PTBP3: variants seen among roughly 807,000 people sequenced by gnomAD.
The protein encoded by PTBP3 is polypyrimidine tract-binding protein 3.
A neutral mutation model predicts 58.7 loss-of-function variants in PTBP3; 20 were observed. That is an observed-to-expected ratio of 0.34 (90% confidence interval 0.24 to 0.50). PTBP3 has a LOEUF of 0.50. Among genes scored for constraint, PTBP3 ranks in the 20% least tolerant of loss-of-function variants. PTBP3 has a pLI of 0.98. For missense variants in PTBP3, 509 were observed against 637.2 expected, an observed-to-expected ratio of 0.80 and a Z score of 2.17; for synonymous variants, 185 against 219.8, an observed-to-expected ratio of 0.84 and a Z score of 1.40.
the PTBP3 span, among the ~76,000 whole-genome samples, chr9:112,357,083 T>C: frequency 6.6e-6 from 1 of 151,894 alleles, no homozygotes; most frequent in Non-Finnish European, 1.5e-5. Context: ...GGTTTCACCA[T>C]GTTGGTCAGG....
At chr9:112,309,563 A>T (rs901902389) in intron 1 of PTBP3, among the ~76,000 whole-genome samples, 4 of 152,118 alleles carry the variant, frequency 2.6e-5, no homozygotes, top group Admixed American at 2.6e-4. Context: ...AGGCGGGCGG[A>T]CTGCCTGAGG....
the PTBP3 span, among the ~76,000 whole-genome samples, chr9:112,356,812 A>G: frequency 6.6e-6 from 1 of 150,816 alleles, no homozygotes; most frequent in Non-Finnish European, 1.5e-5. Flanking sequence ...ACACACACAC[A>G]CACACACACA....
At position 112,222,084 on chromosome 9, in the gene PTBP3, C is replaced by T; in HGVS notation, c.*1767G>A. ...AGCTGGGACTACAGGCGCACAGGCG[C>T]ACACCACCATGCCCAGCAAGATATT... is the stretch of plus-strand genomic sequence containing the variant. On this transcript the variant is annotated 3_prime_UTR_variant, in exon 14 of 14. Transcript: ENST00000374257. 1.2e-5 allele frequency: 12 copies of T among 983,728 alleles called. No individual in the cohort carries two copies. The highest frequency in any genetic ancestry group is 1.4e-5 in the Non-Finnish European group (12 of 828,044). 60.9% of individuals were successfully genotyped at this position (983,728 alleles called of 1,614,324 possible). A position where few individuals can be genotyped will look rare whatever the true frequency, so the allele number is the denominator to read the frequency against.
intron 7 of PTBP3, among the ~76,000 whole-genome samples, chr9:112,250,225 T>C (rs1836052098): frequency 6.6e-6 from 1 of 152,034 alleles, no homozygotes; most frequent in Non-Finnish European, 1.5e-5. Flanking sequence ...GAAAAATCAA[T>C]CACAAAAGGT....
intron 7 of PTBP3, among the ~76,000 whole-genome samples, chr9:112,247,470 G>A (rs559838443): frequency 6.6e-6 from 1 of 151,806 alleles, no homozygotes; most frequent in African/African-American, 2.4e-5. Context: ...TTGGGAGGCT[G>A]AGGTGGGAGG....
At chr9:112,326,845 A>G (rs1830176548) in intron 1 of PTBP3, among the ~76,000 whole-genome samples, 2 of 152,252 alleles carry the variant, frequency 1.3e-5, no homozygotes, top group Non-Finnish European at 2.9e-5. Flanking sequence ...TATCTGGTAT[A>G]ATAAAGTTCT....
intron 1 of PTBP3, among the ~76,000 whole-genome samples, chr9:112,299,597 GGTGGACTAT>G (rs1437738041): frequency 2.0e-5 from 3 of 152,174 alleles, no homozygotes; most frequent in African/African-American, 4.8e-5. Flanking sequence ...CTCACAAAGT[GGTGGACTAT>G]GTCACTGTTC....
chr9:112,220,844 T>C lies in PTBP3; in HGVS notation c.*3007A>G. 1.0e-6 allele frequency: 1 copy of C among 967,980 alleles called. No homozygotes were observed. 60.0% of individuals were successfully genotyped at this position (967,980 alleles called of 1,614,324 possible). A position where few individuals can be genotyped will look rare whatever the true frequency, so the allele number is the denominator to read the frequency against. ...ACTTTGTGTAGAAGTCAAGACACCT[T>C]GAAAAGTGATGACAATACTCCTTAA... On this transcript the variant is annotated 3_prime_UTR_variant, in exon 14 of 14. Coordinates refer to ENST00000374257, the MANE Select transcript of PTBP3 (RefSeq NM_001163788.4).
At position 112,265,177 on chromosome 9, in the gene PTBP3, G is replaced by A. The variant is rs540055865; in HGVS notation, c.352-2578C>T. On this transcript the variant is annotated intron_variant, in intron 4 of 13. Coordinates refer to ENST00000374257, the MANE Select transcript of PTBP3 (RefSeq NM_001163788.4). ...ATTAATCAGTTAATTTCTGAAAAAA[G>A]AGTAAGAAATAAGATCTTGCTCTGC... 1.4e-4 allele frequency among the ~76,000 whole-genome samples: 20 copies of A among 145,186 alleles called. No individual in the cohort carries two copies. In the East Asian group the frequency reaches 4.0e-3, roughly 29 times the overall value.
At chr9:112,373,598 C>T in the PTBP3 span, among the ~76,000 whole-genome samples, 1 of 152,212 alleles carries the variant, frequency 6.6e-6, no homozygotes, top group East Asian at 1.9e-4. Context: ...CCCTTGTCAA[C>T]TTGAACCCAT....
At chr9:112,344,307 C>T in the PTBP3 span, among the ~76,000 whole-genome samples, 18 of 151,956 alleles carry the variant, frequency 1.2e-4, no homozygotes, top group Non-Finnish European at 2.1e-4. Context: ...AGATGGGGAC[C>T]GTTAGGGGGT....
chr9:112,286,589 A>G (rs186786146), intron 2 of PTBP3, among the ~76,000 whole-genome samples: 1 of 152,188 alleles, frequency 6.6e-6, no homozygotes. Flanking sequence ...CCCTCAAGCT[A>G]TCCTTTGTGG....
intron 3 of PTBP3, among the ~76,000 whole-genome samples, chr9:112,271,789 C>T (rs1827396192): frequency 6.6e-6 from 1 of 152,102 alleles, no homozygotes; most frequent in East Asian, 1.9e-4. Context: ...TCTTCAAATA[C>T]AGAATATTTT....
the PTBP3 span, among the ~76,000 whole-genome samples, chr9:112,350,252 A>G: frequency 6.6e-6 from 1 of 152,162 alleles, no homozygotes; most frequent in Non-Finnish European, 1.5e-5. Context: ...GAGGGATAAA[A>G]GACTACACAT....
chr9:112,225,998 C>G (rs972899051), intron 12 of PTBP3, among the ~76,000 whole-genome samples: 1 of 152,070 alleles, frequency 6.6e-6, no homozygotes, highest in Admixed American at 6.6e-5. Context: ...GAGCTGAGAT[C>G]ACACCACTGC....
chr9:112,369,130 C>A, the PTBP3 span, among the ~76,000 whole-genome samples: 32 of 152,360 alleles, frequency 2.1e-4, no homozygotes, highest in Middle Eastern at 3.4e-3. Context: ...AGGGGCAGAG[C>A]CCTCATGGAG....
chr9:112,293,775 T>C (rs1828548040), intron 2 of PTBP3, among the ~76,000 whole-genome samples: 2 of 152,176 alleles, frequency 1.3e-5, no homozygotes, highest in South Asian at 4.1e-4. Context: ...ACCCTTCCTG[T>C]GGGTATGATG....
the PTBP3 span, among the ~76,000 whole-genome samples, chr9:112,363,516 T>TCACACACACACACA: frequency 1.5e-3 from 198 of 134,864 alleles, no homozygotes; most frequent in African/African-American, 4.3e-3. Flanking sequence ...AGCAAAACTG[T>TCACACACACACACA]CACACACACA....
At chr9:112,240,135 T>C (rs1254109388) in intron 7 of PTBP3, among the ~76,000 whole-genome samples, 2 of 152,094 alleles carry the variant, frequency 1.3e-5, no homozygotes, top group Non-Finnish European at 2.9e-5. Context: ...AAAGATGGTA[T>C]AGGGCCTTGT....
Sources: allele counts gnomAD v4.1 joint callset (sites outside exome capture counted in the v4.1 genomes callset), GRCh38; gene constraint gnomAD v4.1.1; transcripts MANE v1.5; gene names NCBI Gene and HGNC (gene_info 2026-07-23, HGNC 2026-07-21).